The following ASPRV1 variants were observed in gnomAD, a reference collection of about 807,000 sequenced individuals.
ASPRV1 encodes aspartic peptidase retroviral like 1.
A neutral mutation model predicts 11.0 loss-of-function variants in ASPRV1; 7 were observed. That is an observed-to-expected ratio of 0.64 (90% CI 0.36 to 1.20). The LOEUF (loss-of-function observed/expected upper bound fraction) is 1.20, where lower values mean the gene tolerates loss of function less well. Ranked by LOEUF, ASPRV1 falls within the 50% of genes most tolerant of loss-of-function variation. ASPRV1 has a pLI of 0.02. For missense variants in ASPRV1, 299 were observed against 320.0 expected, an observed-to-expected ratio of 0.93 and a Z score of 0.50; for synonymous variants, 136 against 138.4, an observed-to-expected ratio of 0.98 and a Z score of 0.12.
chr2:69,954,903 A>C, the ASPRV1 span, among the ~76,000 whole-genome samples: 1 of 152,150 alleles, frequency 6.6e-6, no homozygotes, highest in Non-Finnish European at 1.5e-5. Flanking sequence ...AGGAACTCCT[A>C]GAGACAGGAA....
chr2:70,050,473 G>A, the ASPRV1 span: 1 of 151,714 alleles, frequency 6.6e-6, no homozygotes, highest in East Asian at 1.9e-4. Context: ...TCTAAACATT[G>A]GTCTAGTAGC....
chr2:70,069,414 G>A, the ASPRV1 span: 1 of 152,204 alleles, frequency 6.6e-6, no homozygotes, highest in Non-Finnish European at 1.5e-5. Context: ...GGTTTATGAT[G>A]TCTGTCTCCA....
At chr2:69,954,437 G>A in the ASPRV1 span, among the ~76,000 whole-genome samples, 3 of 152,144 alleles carry the variant, frequency 2.0e-5, no homozygotes, top group African/African-American at 4.8e-5. Context: ...CATTTGCATC[G>A]CAGAGGTGGT....
At chr2:69,988,388 A>G in the ASPRV1 span, 1 of 167,770 alleles carries the variant, frequency 6.0e-6, no homozygotes, top group African/African-American at 2.4e-5. Flanking sequence ...TCTTGAAAAC[A>G]TTATGCTAAG....
the ASPRV1 span, among the ~76,000 whole-genome samples, chr2:69,967,156 A>T: frequency 7.9e-5 from 12 of 152,194 alleles, no homozygotes; most frequent in African/African-American, 2.9e-4. Context: ...ATACATACTT[A>T]CTGAGGCCAA....
At chr2:70,076,402 A>G in the ASPRV1 span, among the ~76,000 whole-genome samples, 1 of 152,216 alleles carries the variant, frequency 6.6e-6, no homozygotes, top group Non-Finnish European at 1.5e-5. Context: ...AATGAGAATA[A>G]CAACTATTTT....
At chr2:70,007,557 C>T in the ASPRV1 span, among the ~76,000 whole-genome samples, 967 of 149,588 alleles carry the variant, frequency 6.5e-3, 9 homozygotes, top group African/African-American at 0.022. Context: ...ATAAGTAGAG[C>T]GTATTTAATA....
chr2:69,999,418 C>T, the ASPRV1 span, among the ~76,000 whole-genome samples: 16 of 151,954 alleles, frequency 1.1e-4, no homozygotes, highest in Non-Finnish European at 1.9e-4. Flanking sequence ...TTTTGGGAGG[C>T]CAAGGAGGGC....
chr2:70,085,712 G>A, the ASPRV1 span: 1 of 152,266 alleles, frequency 6.6e-6, no homozygotes, highest in Non-Finnish European at 1.5e-5. Flanking sequence ...ACGGTGAACT[G>A]CCTTGCATCG....
the ASPRV1 span, among the ~76,000 whole-genome samples, chr2:70,082,337 G>A: frequency 6.6e-6 from 1 of 152,156 alleles, no homozygotes; most frequent in African/African-American, 2.4e-5. Flanking sequence ...GGGAGGCTGA[G>A]GCAGAAGAAT....
At chr2:69,938,287 G>C in the ASPRV1 span, 2 of 1,613,820 alleles carry the variant, frequency 1.2e-6, no homozygotes, top group Middle Eastern at 1.6e-4. Context: ...GTCTCTAAGA[G>C]AGTGGGCACT....
At chr2:69,973,230 T>C in the ASPRV1 span, among the ~76,000 whole-genome samples, 4 of 152,250 alleles carry the variant, frequency 2.6e-5, no homozygotes, top group African/African-American at 7.2e-5. Flanking sequence ...GATGCTTTCA[T>C]TGATTTTTGC....
chr2:70,073,103 G>A, the ASPRV1 span: 2 of 152,032 alleles, frequency 1.3e-5, no homozygotes, highest in South Asian at 4.1e-4. Context: ...ACCAATGAGA[G>A]CTTTTCAACA....
At chr2:69,997,449 G>A in the ASPRV1 span, among the ~76,000 whole-genome samples, 1 of 152,084 alleles carries the variant, frequency 6.6e-6, no homozygotes, top group Non-Finnish European at 1.5e-5. Flanking sequence ...TCCCTACCCT[G>A]GCTCATCCTC....
the ASPRV1 span, among the ~76,000 whole-genome samples, chr2:69,967,190 A>C: frequency 6.6e-6 from 1 of 152,200 alleles, no homozygotes; most frequent in Non-Finnish European, 1.5e-5. Flanking sequence ...GGAGAGATGA[A>C]TCAGACCTGC....
At chr2:69,938,834 G>A in the ASPRV1 span, 19,353 of 153,070 alleles carry the variant, frequency 0.13, 1,537 homozygotes, top group Non-Finnish European at 0.18. Context: ...CCTTCACACC[G>A]CGCATGCTCA....
the ASPRV1 span, among the ~76,000 whole-genome samples, chr2:70,026,361 G>A: frequency 4.0e-5 from 6 of 150,398 alleles, no homozygotes; most frequent in East Asian, 1.2e-3. Flanking sequence ...GGAAGTCCTA[G>A]CCAGAGCAAT....
At chr2:69,956,705 T>G (rs1677949827), downstream of ASPRV1, among the ~76,000 whole-genome samples, 1 of 152,136 alleles carries the variant, frequency 6.6e-6, no homozygotes, top group South Asian at 2.1e-4. Context: ...CACAAGACAC[T>G]TACTCATGAC....
At position 69,960,887 on chromosome 2, in the gene ASPRV1, G is replaced by A. The variant is rs761270468; in HGVS notation, c.550C>T (p.Leu184=). The change falls in exon 1 of 1, where the codon CTG becomes TTG. Residue 184 remains leucine, a synonymous_variant. Transcript: ENST00000320256. Reference sequence around the variant, plus strand: ...TTGGCCACTAGGAACTGTGCCTTCAGCTTCAGCTTGCCTAGGGACACCGCT... The same window carrying A: ...TTGGCCACTAGGAACTGTGCCTTCAACTTCAGCTTGCCTAGGGACACCGCT... ...DTAVSLGKLK[L]KAQFLVANAS... is the part of the protein sequence containing the mutation. 28 of 1,613,974 alleles carry A rather than the reference G, an allele frequency of 1.7e-5. No homozygotes were observed. The East Asian group carries it at 5.3e-4, about 31-fold the overall frequency.
Sources: allele counts gnomAD v4.1 joint callset (sites outside exome capture counted in the v4.1 genomes callset), GRCh38; gene constraint gnomAD v4.1.1; transcripts MANE v1.5; gene names NCBI Gene and HGNC (gene_info 2026-07-23, HGNC 2026-07-21).